NUP58: variants seen among roughly 807,000 people sequenced by gnomAD.
NUP58 encodes nucleoporin 58.
A neutral mutation model predicts 70.1 loss-of-function variants in NUP58; 17 were observed. The ratio of observed to expected loss-of-function variants is 0.24; its 90% CI spans 0.17 to 0.36. The LOEUF (loss-of-function observed/expected upper bound fraction) is 0.36, where lower values mean the gene tolerates loss of function less well. NUP58 is among the 10% of genes least tolerant of loss of function. NUP58 has a pLI of 1.00. For missense variants in NUP58, 644 were observed against 701.5 expected (o/e 0.92, Z 0.93); for synonymous variants, 275 against 257.6 (o/e 1.07, Z -0.65).
At chr13:25,302,940 C>CT in intron 1 of NUP58, 1 of 456,536 alleles carries the variant, frequency 2.2e-6, no homozygotes, top group Middle Eastern at 3.3e-4. Context: ...CACAACCCTG[C>CT]TTAGGCTATT....
At chr13:25,338,550 T>C (rs2031860254) in intron 14 of NUP58, 86 bp from the exon 15 acceptor site, 2 of 924,380 alleles carry the variant, frequency 2.2e-6, no homozygotes, top group South Asian at 2.8e-5. Flanking sequence ...CTGTTAGACC[T>C]CTGATGATTT....
chr13:25,337,149 TCTGG>T (rs1315256944), intron 14 of NUP58, 115 bp downstream of exon 14: 8 of 538,828 alleles, frequency 1.5e-5, no homozygotes, highest in Non-Finnish European at 2.5e-5. Flanking sequence ...TAAGGTTCCA[TCTGG>T]CAAAAATGAT....
At chr13:25,333,617 C>G (rs2031684430) in intron 13 of NUP58, 1 of 985,364 alleles carries the variant, frequency 1.0e-6, no homozygotes, top group Non-Finnish European at 1.2e-6. Flanking sequence ...CTAAAGGTCT[C>G]CCAGGCCTTC....
chr13:25,334,346 G>A (rs1220245123), intron 13 of NUP58: 3 of 985,164 alleles, frequency 3.0e-6, no homozygotes, highest in Non-Finnish European at 3.6e-6. Context: ...CACTTTAAGA[G>A]TTCTTGATGT....
At chr13:25,333,466 A>T (rs2031679117) in intron 13 of NUP58, 2 of 985,156 alleles carry the variant, frequency 2.0e-6, no homozygotes, top group Non-Finnish European at 2.4e-6. Flanking sequence ...GGGCTTTCTC[A>T]TCAGATGGCA....
At chr13:25,311,776 C>A (rs554609379) in intron 3 of NUP58, among the ~76,000 whole-genome samples, 69 of 144,896 alleles carry the variant, frequency 4.8e-4, no homozygotes, top group Non-Finnish European at 7.9e-4. Context: ...TGTAGTAGTT[C>A]TTAAGAGAGA....
intron 7 of NUP58, chr13:25,320,209 T>G (rs2031122677): frequency 5.4e-6 from 1 of 186,320 alleles, no homozygotes; most frequent in Admixed American, 6.3e-5. Flanking sequence ...GGGAACTTAG[T>G]TTAACATCTT....
Position 25,313,665 on chromosome 13 carries a change from C to T in NUP58, c.488C>T (p.Thr163Ile), listed in dbSNP as rs1192041661. 1 of 1,529,936 alleles carries T rather than the reference C, an allele frequency of 6.5e-7. No individual in the cohort carries two copies. The highest frequency in any genetic ancestry group is 8.7e-7 in the Non-Finnish European group (1 of 1,151,786). 94.8% of individuals were successfully genotyped at this position (1,529,936 alleles called of 1,614,324 possible). The change falls in exon 5 of 16, where the codon ACA becomes ATA. Residue 163 changes from threonine to isoleucine, a missense_variant. By Grantham distance (89) the Thr-to-Ile change is moderately conservative. Around this residue, in one of 4 missense-constraint regions of NUP58, gnomAD observed 430 missense variants for 409.2 expected, o/e 1.05. Transcript: ENST00000381736. ...TTGGGTGGGACAACAGCCACAACTA[C>T]AACTGCATCAACAGGCCTCTCTTTA... ...NNLGGTTATT[T>I]TASTGLSLGG...
intron 13 of NUP58, chr13:25,334,500 C>G: frequency 1.0e-6 from 1 of 985,056 alleles, no homozygotes. Context: ...AGTATTTCAT[C>G]TTAGTTTCTT....
chr13:25,346,347 C>T (rs1392687674), downstream of NUP58, among the ~76,000 whole-genome samples: 1 of 151,980 alleles, frequency 6.6e-6, no homozygotes, highest in Non-Finnish European at 1.5e-5. Context: ...GAATTCAAAC[C>T]CAGGCAGTCT....
At position 25,340,167 on chromosome 13, in the gene NUP58, A is replaced by AGC; in HGVS notation, c.*34_*35dup. The AGC allele has an allele frequency of 6.5e-7, 1 of 1,546,232 alleles. No homozygotes were observed. The highest frequency in any genetic ancestry group is 1.2e-5 in the South Asian group (1 of 81,190). On this transcript the variant is annotated 3_prime_UTR_variant, in exon 16 of 16. Coordinates refer to ENST00000381736, the MANE Select transcript of NUP58 (RefSeq NM_014089.4). ...TTGATGTGTTGAGAGAATCCATAGC[A>AGC]GCACCGTTCATTCTATGAGTCTATT... is the stretch of plus-strand genomic sequence containing the variant.
chr13:25,343,461 C>T (rs984598639), downstream of NUP58, among the ~76,000 whole-genome samples: 74 of 149,104 alleles, frequency 5.0e-4, no homozygotes, highest in African/African-American at 1.8e-3. Flanking sequence ...GCCATTAATT[C>T]ATTCCTTTTT....
At chr13:25,330,426 T>G (rs1421820782) in intron 12 of NUP58, among the ~76,000 whole-genome samples, 1 of 152,188 alleles carries the variant, frequency 6.6e-6, no homozygotes, top group Non-Finnish European at 1.5e-5. Flanking sequence ...GATGATAGCT[T>G]TTAAATACTA....
downstream of NUP58, among the ~76,000 whole-genome samples, chr13:25,343,820 T>TAC (rs1443250186): frequency 2.3e-4 from 33 of 140,670 alleles, no homozygotes; most frequent in African/African-American, 8.0e-4. Flanking sequence ...TATATATATA[T>TAC]ATATATACAC....
chr13:25,340,039 G>T lies in NUP58; in HGVS notation c.1705G>T (p.Gly569Trp). The T allele has an allele frequency of 6.2e-7, 1 of 1,613,818 alleles. No homozygotes were observed. Among genetic ancestry groups the T allele is most frequent in the Non-Finnish European group, 8.5e-7 (1 of 1,179,926 alleles). ...GITASAGLTF[G>W]VSNPASAGFG... ...CACGGCATCAGCTGGTTTGACTTTT[G>T]GGGTGTCCAATCCTGCCTCTGCAGG... The change falls in exon 16 of 16, where the codon GGG (glycine) becomes TGG (tryptophan). Residue 569 changes from glycine (G) to tryptophan (W), a missense_variant. Around this residue, in one of 4 missense-constraint regions of NUP58, gnomAD observed 132 missense variants for 203.9 expected, o/e 0.65. Transcript: ENST00000381736.
At chr13:25,311,080 A>C (rs545281203) in intron 3 of NUP58, among the ~76,000 whole-genome samples, 2 of 152,350 alleles carry the variant, frequency 1.3e-5, no homozygotes, top group Admixed American at 6.5e-5. Context: ...GGAAGAAAAC[A>C]GTATGGTTTA....
At chr13:25,335,414 A>G in intron 13 of NUP58, 1 of 985,342 alleles carries the variant, frequency 1.0e-6, no homozygotes, top group African/African-American at 1.7e-5. Flanking sequence ...TGTGACAAAC[A>G]AGTCTCTCAA....
At chr13:25,309,410 C>A in intron 3 of NUP58, 128 bp downstream of exon 3, 1 of 664,690 alleles carries the variant, frequency 1.5e-6, no homozygotes, top group Admixed American at 3.4e-5. Context: ...GTGTGTATCA[C>A]AGATGGTGAC....
chr13:25,327,630 G>T (rs2031447041), intron 12 of NUP58, 118 bp downstream of exon 12: 478 of 572,862 alleles, frequency 8.3e-4, no homozygotes, highest in East Asian at 1.8e-3. Context: ...TAAGTGAAAA[G>T]ATGAAAACTA....
Sources: gnomAD v4.1 joint callset for allele counts (sites outside exome capture counted in the v4.1 genomes callset) on GRCh38, gnomAD v4.1.1 for gene constraint, gnomAD v4.1.1 regional missense constraint, MANE v1.5 for transcripts, NCBI Gene and HGNC (gene_info 2026-07-23, HGNC 2026-07-21) for gene names.